GUCA1C: variants seen among roughly 807,000 people sequenced by gnomAD.
The protein encoded by GUCA1C is guanylyl cyclase-activating protein 3.
In GUCA1C, 15 loss-of-function variants were observed where a neutral mutation model predicts 16.2. That is an observed-to-expected ratio of 0.93 (90% CI 0.62 to 1.43). The LOEUF (loss-of-function observed/expected upper bound fraction) is 1.43, where lower values mean the gene tolerates loss of function less well. Among genes scored for constraint, GUCA1C ranks in the 40% most tolerant of loss-of-function variants. GUCA1C has a pLI of 0.00. For missense variants in GUCA1C, 275 were observed against 244.8 expected (o/e 1.12, Z -0.82); for synonymous variants, 78 against 85.4 (o/e 0.91, Z 0.48).
chr3:108,931,133 G>C (rs1326818060), intron 1 of GUCA1C, among the ~76,000 whole-genome samples: 2 of 152,136 alleles, frequency 1.3e-5, no homozygotes, highest in Admixed American at 6.5e-5. Context: ...AGCCTGGCTT[G>C]TTATTAAGTT....
At chr3:108,947,406 A>C (rs769452625) in intron 1 of GUCA1C, among the ~76,000 whole-genome samples, 7 of 152,150 alleles carry the variant, frequency 4.6e-5, no homozygotes, top group Non-Finnish European at 8.8e-5. Context: ...GAGAAGGAAG[A>C]AAATCTGTAA....
chr3:108,928,796 T>C (rs1031722360), intron 1 of GUCA1C, among the ~76,000 whole-genome samples: 1 of 152,234 alleles, frequency 6.6e-6, no homozygotes, highest in Admixed American at 6.5e-5. Flanking sequence ...TATTGATTGA[T>C]GTAACTATTC....
intron 1 of GUCA1C, among the ~76,000 whole-genome samples, chr3:108,948,519 A>C (rs746586359): frequency 3.3e-5 from 5 of 152,120 alleles, no homozygotes; most frequent in Non-Finnish European, 7.4e-5. Flanking sequence ...TTTTTGATGG[A>C]GCACCTACTC....
chr3:108,913,216 T>C lies in GUCA1C; in HGVS notation c.442+2911A>G, dbSNP rs369537120. The stretch of plus-strand genomic sequence containing the variant: ...TCGGCATAATGATGTGCTTGCTTTT[T>C]ATTTTGAGAAATAAATATATATATA... On this transcript the variant is annotated intron_variant, in intron 3 of 3. Transcript: ENST00000261047. Among the ~76,000 whole-genome samples the C allele has an allele frequency of 2.3e-5, 3 of 129,942 alleles. No individual in the cohort carries two copies. The South Asian group carries it at 7.4e-4, about 32-fold the overall frequency. The allele number at this position is 129,942 out of a possible 152,430, so 85.2% of individuals were successfully genotyped here.
At chr3:108,927,707 A>G (rs1423120082) in intron 1 of GUCA1C, among the ~76,000 whole-genome samples, 1 of 152,054 alleles carries the variant, frequency 6.6e-6, no homozygotes, top group Non-Finnish European at 1.5e-5. Flanking sequence ...TTAATAATCG[A>G]CCTTCTGAAT....
intron 1 of GUCA1C, among the ~76,000 whole-genome samples, chr3:108,926,139 G>A (rs1327919234): frequency 1.3e-5 from 2 of 151,406 alleles, no homozygotes; most frequent in Non-Finnish European, 2.9e-5. Flanking sequence ...ATTTAGAATT[G>A]TGATATTTTC....
rs11917023 is a variant in GUCA1C, at chr3:108,940,715, C to T, written c.204+12844G>A. Among the ~76,000 whole-genome samples the T allele has an allele frequency of 8.0e-3, 1,221 of 152,332 alleles. 21 individuals are homozygous for T. The highest frequency in any genetic ancestry group is 0.028 in the African/African-American group (1,176 of 41,580). ...TTGATAAGAAGTACTGTTAAATCTG[C>T]ACTGTTATCAAACCTGTGAGGGCTG... On this transcript the variant is annotated intron_variant, in intron 1 of 3. Coordinates refer to ENST00000261047, the MANE Select transcript of GUCA1C (RefSeq NM_005459.4).
chr3:108,933,514 G>A (rs1449295334), intron 1 of GUCA1C, among the ~76,000 whole-genome samples: 1 of 152,070 alleles, frequency 6.6e-6, no homozygotes, highest in African/African-American at 2.4e-5. Context: ...AGGGGGAGAG[G>A]AAAGAAATAA....
intron 3 of GUCA1C, among the ~76,000 whole-genome samples, chr3:108,915,362 G>A (rs187737635): frequency 6.6e-6 from 1 of 152,286 alleles, no homozygotes; most frequent in East Asian, 1.9e-4. Flanking sequence ...TTTTAACAAT[G>A]TCAAATTTTC....
At chr3:108,948,647 T>C (rs1346454379) in intron 1 of GUCA1C, among the ~76,000 whole-genome samples, 1 of 152,222 alleles carries the variant, frequency 6.6e-6, no homozygotes, top group African/African-American at 2.4e-5. Flanking sequence ...GGAAGGTTTT[T>C]TTCCACTTTT....
intron 1 of GUCA1C, among the ~76,000 whole-genome samples, chr3:108,950,871 A>AT (rs928365345): frequency 2.6e-4 from 39 of 152,234 alleles, no homozygotes; most frequent in Admixed American, 8.5e-4. Context: ...GGTTTTTAAC[A>AT]TTAGGAAACA....
chr3:108,939,324 CTTTTTTTTTTT>C (rs549981150), intron 1 of GUCA1C, among the ~76,000 whole-genome samples: 3 of 32,910 alleles, frequency 9.1e-5, no homozygotes, highest in Non-Finnish European at 1.2e-4. Flanking sequence ...TGCTTCAAGG[CTTTTTTTTTTT>C]TTTTTTTTTT....
chr3:108,920,419 T>C lies in GUCA1C; in HGVS notation c.354+17A>G, dbSNP rs566877634. The C allele has an allele frequency of 4.4e-6, 7 of 1,596,948 alleles. No homozygotes were observed. The highest frequency in any genetic ancestry group is 6.0e-6 in the Non-Finnish European group (7 of 1,164,924). The stretch of plus-strand genomic sequence containing the variant: ...CTATATAGCGGCCTGAAAAGGATAC[T>C]TTACTACTTCACTTACCATGAACAT... On this transcript the variant is annotated intron_variant, in intron 2 of 3. Coordinates refer to ENST00000261047, the MANE Select transcript of GUCA1C (RefSeq NM_005459.4).
intron 1 of GUCA1C, among the ~76,000 whole-genome samples, chr3:108,937,829 T>G (rs977539645): frequency 7.2e-5 from 11 of 152,080 alleles, no homozygotes; most frequent in Non-Finnish European, 1.5e-4. Flanking sequence ...TCCCAGCACT[T>G]TGGGAGGCCG....
intron 1 of GUCA1C, among the ~76,000 whole-genome samples, chr3:108,952,346 T>A (rs1946903148): frequency 6.6e-6 from 1 of 152,220 alleles, no homozygotes; most frequent in Admixed American, 6.5e-5. Flanking sequence ...ATTTGTCAGC[T>A]CCTTGAAGAT....
intron 1 of GUCA1C, among the ~76,000 whole-genome samples, chr3:108,938,375 A>C (rs559855676): frequency 1.3e-5 from 2 of 152,340 alleles, no homozygotes; most frequent in South Asian, 2.1e-4. Flanking sequence ...GCAACATATG[A>C]TTGAAATGTC....
Position 108,921,219 on chromosome 3 carries a change from G to A in GUCA1C, c.205-634C>T, listed in dbSNP as rs764825958. On this transcript the variant is annotated intron_variant, in intron 1 of 3. Transcript: ENST00000261047. Reference sequence around the variant, plus strand: ...TAGTATGTAGCTTTTTCAGGTTGGCGTCTTTCACTTAGTAATATGCATTTA... The same window carrying A: ...TAGTATGTAGCTTTTTCAGGTTGGCATCTTTCACTTAGTAATATGCATTTA... 4.6e-5 allele frequency among the ~76,000 whole-genome samples: 7 copies of A among 152,124 alleles called. No individual in the cohort carries two copies. In the South Asian group the frequency reaches 8.3e-4, roughly 18 times the overall value.
chr3:108,922,539 G>A (rs1419912973), intron 1 of GUCA1C, among the ~76,000 whole-genome samples: 2 of 152,034 alleles, frequency 1.3e-5, no homozygotes, highest in Admixed American at 1.3e-4. Context: ...CATTCTTGCA[G>A]GAGTGAGGTG....
At chr3:108,918,297 A>T (rs765733811) in intron 2 of GUCA1C, among the ~76,000 whole-genome samples, 1 of 152,150 alleles carries the variant, frequency 6.6e-6, no homozygotes, top group Non-Finnish European at 1.5e-5. Flanking sequence ...CACCTCTTCC[A>T]GTGGCTCTGC....
Sources: gnomAD v4.1 joint callset for allele counts (sites outside exome capture counted in the v4.1 genomes callset) on GRCh38, gnomAD v4.1.1 for gene constraint, MANE v1.5 for transcripts, NCBI Gene and HGNC (gene_info 2026-07-23, HGNC 2026-07-21) for gene names.